SORCS1: variants seen among roughly 807,000 people sequenced by gnomAD.
The protein encoded by SORCS1 is VPS10 domain-containing receptor SorCS1.
A neutral mutation model predicts 146.1 loss-of-function variants in SORCS1; 60 were observed. The observed-to-expected ratio is 0.41, with a 90% CI of 0.33 to 0.51. The LOEUF (loss-of-function observed/expected upper bound fraction) is 0.51, where lower values mean the gene tolerates loss of function less well. Among genes scored for constraint, SORCS1 ranks in the 20% least tolerant of loss-of-function variants. The pLI, the probability that SORCS1 is intolerant of heterozygous loss-of-function variation, is 0.21. For missense variants in SORCS1, 1,352 were observed against 1,487.6 expected, an observed-to-expected ratio of 0.91 and a Z score of 1.50; for synonymous variants, 637 against 584.0, an observed-to-expected ratio of 1.09 and a Z score of -1.31.
chr10:107,109,224 G>A (rs971480725), intron 1 of SORCS1, among the ~76,000 whole-genome samples: 5 of 152,210 alleles, frequency 3.3e-5, no homozygotes, highest in Admixed American at 1.3e-4. Flanking sequence ...GACTCCGTGG[G>A]GGGCCTCTAA....
chr10:107,179,955 C>G, the SORCS1 span, among the ~76,000 whole-genome samples: 1 of 113,396 alleles, frequency 8.8e-6, no homozygotes, highest in Non-Finnish European at 1.7e-5. Flanking sequence ...CTCTCTCTGT[C>G]ACCCAGGCTA....
chr10:106,676,319 T>C (rs1407541821), intron 13 of SORCS1, among the ~76,000 whole-genome samples: 1 of 152,156 alleles, frequency 6.6e-6, no homozygotes, highest in Non-Finnish European at 1.5e-5. Context: ...ACAGGCAGAA[T>C]TGTGGAATAT....
At chr10:106,911,206 C>A (rs187670275) in intron 2 of SORCS1, among the ~76,000 whole-genome samples, 1 of 152,212 alleles carries the variant, frequency 6.6e-6, no homozygotes, top group African/African-American at 2.4e-5. Flanking sequence ...CTGATGACAC[C>A]AGTAGATTAG....
chr10:107,152,766 C>T (rs1968929507), intron 1 of SORCS1, among the ~76,000 whole-genome samples: 1 of 152,212 alleles, frequency 6.6e-6, no homozygotes, highest in Admixed American at 6.5e-5. Flanking sequence ...TAAAAATCAC[C>T]CAGTCATGGG....
chr10:106,767,990 C>T (rs989404885), intron 4 of SORCS1, among the ~76,000 whole-genome samples: 28 of 151,226 alleles, frequency 1.9e-4, no homozygotes, highest in Admixed American at 2.6e-4. Context: ...TTTTTTTTCC[C>T]GAAATCATTA....
intron 1 of SORCS1, among the ~76,000 whole-genome samples, chr10:107,160,832 C>T (rs1969646441): frequency 6.6e-6 from 1 of 152,198 alleles, no homozygotes; most frequent in Non-Finnish European, 1.5e-5. Flanking sequence ...TAAACACATA[C>T]ACCATTATGC....
intron 3 of SORCS1, among the ~76,000 whole-genome samples, chr10:106,817,806 G>A (rs751072654): frequency 1.2e-4 from 19 of 152,146 alleles, no homozygotes; most frequent in Non-Finnish European, 7.3e-5. Context: ...CTACTGCCTG[G>A]CAGTCAATAA....
chr10:106,917,149 C>T (rs1266148188), intron 2 of SORCS1, among the ~76,000 whole-genome samples: 1 of 152,204 alleles, frequency 6.6e-6, no homozygotes, highest in Non-Finnish European at 1.5e-5. Flanking sequence ...TCCAATCTAA[C>T]AAAACTCCTG....
chr10:107,043,175 G>A (rs918949628), intron 1 of SORCS1, among the ~76,000 whole-genome samples: 3 of 152,162 alleles, frequency 2.0e-5, no homozygotes, highest in Non-Finnish European at 4.4e-5. Flanking sequence ...CCAGGGAAAT[G>A]TTAAGACCTC....
intron 2 of SORCS1, among the ~76,000 whole-genome samples, chr10:106,858,438 G>C (rs2137388770): frequency 6.6e-6 from 1 of 151,796 alleles, no homozygotes; most frequent in Non-Finnish European, 1.5e-5. Context: ...GCTGACAAGG[G>C]GAAACCCCGT....
At chr10:106,620,641 C>T (rs558937715) in intron 19 of SORCS1, 80 bp from the exon 20 acceptor site, 3 of 1,492,338 alleles carry the variant, frequency 2.0e-6, no homozygotes, top group African/African-American at 1.4e-5. Flanking sequence ...AGAGATCACA[C>T]ATTTACTCTT....
chr10:106,947,704 G>A (rs1036813484), intron 2 of SORCS1, among the ~76,000 whole-genome samples: 1 of 152,052 alleles, frequency 6.6e-6, no homozygotes, highest in Admixed American at 6.6e-5. Context: ...AAATTAGCCG[G>A]GCCTGGTGGC....
intron 1 of SORCS1, among the ~76,000 whole-genome samples, chr10:107,021,305 G>A (rs188997799): frequency 1.3e-5 from 2 of 152,052 alleles, no homozygotes; most frequent in East Asian, 1.9e-4. Context: ...GAGGTCAGGA[G>A]ATCGAGACCA....
intron 1 of SORCS1, among the ~76,000 whole-genome samples, chr10:107,087,958 A>C (rs1040115024): frequency 6.6e-6 from 1 of 152,130 alleles, no homozygotes; most frequent in East Asian, 1.9e-4. Context: ...TCGCTCTGTC[A>C]CCCAGGCTGC....
chr10:106,708,551 G>A (rs1854707743), intron 7 of SORCS1, among the ~76,000 whole-genome samples: 2 of 152,242 alleles, frequency 1.3e-5, no homozygotes, highest in South Asian at 2.1e-4. Flanking sequence ...CTTGAATGCT[G>A]AAAAGCAGTG....
chr10:106,777,581 C>T (rs1350750930), intron 3 of SORCS1, among the ~76,000 whole-genome samples: 3 of 152,210 alleles, frequency 2.0e-5, no homozygotes, highest in African/African-American at 7.2e-5. Context: ...GTCTGCACCA[C>T]AGAAGAAGCT....
At chr10:106,712,999 T>G (rs1433397831) in intron 6 of SORCS1, among the ~76,000 whole-genome samples, 1 of 152,204 alleles carries the variant, frequency 6.6e-6, no homozygotes, top group Non-Finnish European at 1.5e-5. Context: ...TTAAACCTAG[T>G]ACTGGTACAT....
At chr10:106,638,791 C>G (rs1321960755) in intron 18 of SORCS1, among the ~76,000 whole-genome samples, 2 of 152,134 alleles carry the variant, frequency 1.3e-5, no homozygotes, top group South Asian at 2.1e-4. Context: ...CTACAAAAGT[C>G]AGGTGGCAAC....
At chr10:107,101,749 A>ATGTGTGTGTGTGTGTGTG (rs34645920) in intron 1 of SORCS1, among the ~76,000 whole-genome samples, 1 of 147,246 alleles carries the variant, frequency 6.8e-6, no homozygotes, top group Non-Finnish European at 1.5e-5. Context: ...TGGGCTAATT[A>ATGTGTGTGTGTGTGTGTG]TGTGTGTGTG....
Sources: gnomAD v4.1 joint callset for allele counts (sites outside exome capture counted in the v4.1 genomes callset) on GRCh38, gnomAD v4.1.1 for gene constraint, MANE v1.5 for transcripts, NCBI Gene and HGNC (gene_info 2026-07-23, HGNC 2026-07-21) for gene names.